Variants in LSM6 observed in about 807,000 individuals in gnomAD.
The protein encoded by LSM6 is U6 snRNA-associated Sm-like protein LSm6.
In LSM6, 2 loss-of-function variants were observed where a neutral mutation model predicts 13.5. The ratio of observed to expected loss-of-function variants is 0.15; its 90% confidence interval spans 0.06 to 0.47. LSM6 has a LOEUF of 0.47. Ranked by LOEUF, LSM6 falls within the 20% of genes least tolerant of loss-of-function variation. The probability of loss-of-function intolerance (pLI) is 0.97; values close to 1 mark genes in which losing one functional copy is unlikely to be tolerated. For missense variants in LSM6, 58 were observed against 96.4 expected (o/e 0.60, Z 1.67); for synonymous variants, 43 against 34.9 (o/e 1.23, Z -0.82).
In LSM6 at chr4:146,191,476, A is replaced by G. The variant is rs1226481955; in HGVS notation, c.*1820A>G. On this transcript the variant is annotated 3_prime_UTR_variant, in exon 4 of 4. Transcript: ENST00000296581. ...AACCATGGAACTACTTTTAATCAAG[A>G]TCAACTTTGGGAAGTGCTGCCATTT... 1 of 152,216 alleles carries G rather than the reference A, an allele frequency of 6.6e-6. No homozygotes were observed. Among genetic ancestry groups the G allele is most frequent in the African/African-American group, 2.4e-5 (1 of 41,452 alleles). The allele number at this position is 152,216 out of a possible 1,614,324, so 9.4% of individuals were successfully genotyped here. A position where few individuals can be genotyped will look rare whatever the true frequency, so the allele number is the denominator to read the frequency against.
intron 2 of LSM6, among the ~76,000 whole-genome samples, chr4:146,186,613 T>C (rs1730355071): frequency 6.6e-6 from 1 of 152,192 alleles, no homozygotes; most frequent in African/African-American, 2.4e-5. Context: ...TCTCTATTAG[T>C]TTTGATTGGA....
chr4:146,177,761 A>G (rs1730143024), intron 1 of LSM6, among the ~76,000 whole-genome samples: 2 of 152,160 alleles, frequency 1.3e-5, no homozygotes, highest in Admixed American at 6.5e-5. Context: ...GTTTAGCAAC[A>G]TCCCTGGTCT....
chr4:146,181,727 T>C (rs1560711361), intron 1 of LSM6, among the ~76,000 whole-genome samples: 1 of 152,244 alleles, frequency 6.6e-6, no homozygotes, highest in Non-Finnish European at 1.5e-5. Flanking sequence ...GTCTCAGTGC[T>C]ATATAGCTGC....
chr4:146,182,065 C>G (rs762865153), intron 1 of LSM6, among the ~76,000 whole-genome samples: 9 of 152,162 alleles, frequency 5.9e-5, no homozygotes, highest in Non-Finnish European at 1.3e-4. Flanking sequence ...TATTGACTTT[C>G]AGAAAGCTGT....
intron 3 of LSM6, among the ~76,000 whole-genome samples, chr4:146,188,303 C>T (rs1056212356): frequency 1.3e-5 from 2 of 151,960 alleles, no homozygotes; most frequent in Admixed American, 1.3e-4. Context: ...ATGATCTTGT[C>T]TCACCTCAAG....
intron 1 of LSM6, chr4:146,176,556 C>T (rs1730114078): frequency 6.6e-6 from 1 of 152,140 alleles, no homozygotes; most frequent in South Asian, 2.1e-4. Flanking sequence ...TCACTGAACC[C>T]TTTCACCTAC....
chr4:146,175,848 G>C (rs556640583), intron 1 of LSM6, 37 bp downstream of exon 1: 2 of 152,372 alleles, frequency 1.3e-5, no homozygotes, highest in Non-Finnish European at 2.9e-5. Context: ...CGACGGGGCC[G>C]GGCGCAGCCC....
chr4:146,180,956 A>G (rs1199766958), intron 1 of LSM6: 1 of 152,196 alleles, frequency 6.6e-6, no homozygotes, highest in African/African-American at 2.4e-5. Context: ...CTGTTACAGT[A>G]TTTATTTTGT....
intron 1 of LSM6, among the ~76,000 whole-genome samples, chr4:146,181,537 T>A (rs1487877544): frequency 6.6e-6 from 1 of 152,188 alleles, no homozygotes; most frequent in African/African-American, 2.4e-5. Context: ...CAAATAATCC[T>A]TCTCCACACA....
intron 3 of LSM6, among the ~76,000 whole-genome samples, 155 bp from the exon 4 acceptor site, chr4:146,189,467 T>A (rs1730421074): frequency 6.6e-6 from 1 of 151,914 alleles, no homozygotes; most frequent in African/African-American, 2.4e-5. Context: ...ATAAAACTAG[T>A]CTTACAGTAC....
At chr4:146,180,592 T>G (rs1253958643) in intron 1 of LSM6, among the ~76,000 whole-genome samples, 1 of 152,258 alleles carries the variant, frequency 6.6e-6, no homozygotes, top group Non-Finnish European at 1.5e-5. Flanking sequence ...GCTTTTCAAA[T>G]GTTTTTAATC....
At chr4:146,177,634 T>C (rs1268663963) in intron 1 of LSM6, among the ~76,000 whole-genome samples, 2 of 145,506 alleles carry the variant, frequency 1.4e-5, no homozygotes, top group Non-Finnish European at 3.1e-5. Flanking sequence ...TTTTTTATTT[T>C]TATTTATTTT....
At chr4:146,176,319 C>G (rs1163157673) in intron 1 of LSM6, 1 of 152,288 alleles carries the variant, frequency 6.6e-6, no homozygotes, top group Non-Finnish European at 1.5e-5. Flanking sequence ...AAAGGCTGGA[C>G]TCGCCTGTCT....
intron 3 of LSM6, 87 bp downstream of exon 3, chr4:146,187,474 T>G (rs1189952884): frequency 2.6e-6 from 2 of 770,398 alleles, no homozygotes; most frequent in Non-Finnish European, 4.2e-6. Flanking sequence ...CTAGATAATT[T>G]AAAAGTCCAC....
rs1160354147 is a variant in LSM6 at position 146,190,046 on chromosome 4, ATCC to A, written c.*395_*397del. ...CATATAATTAAAACATTTTGGAGGA[ATCC>A]TCCTTTATTGCATCCTTTTCTGTTC... On this transcript the variant is annotated 3_prime_UTR_variant, in exon 4 of 4. Transcript: ENST00000296581. 10 of 163,904 alleles carry A rather than the reference ATCC, an allele frequency of 6.1e-5. No individual in the cohort carries two copies. The highest frequency in any genetic ancestry group is 2.2e-4 in the African/African-American group (9 of 41,640). 10.2% of individuals were successfully genotyped at this position (163,904 alleles called of 1,614,324 possible).
chr4:146,187,148 T>G, intron 2 of LSM6, 126 bp from the exon 3 acceptor site: 1 of 590,926 alleles, frequency 1.7e-6, no homozygotes. Flanking sequence ...TCATTTATGG[T>G]GTGAATTTTT....
chr4:146,186,817 A>G lies in LSM6; in HGVS notation c.95-457A>G, dbSNP rs192936993. ...CCCTGGAGTACATTCATCTGCTGCA[A>G]TAGATGTTGTAAAAGAATGAAATAA... On this transcript the variant is annotated intron_variant, in intron 2 of 3. Transcript: ENST00000296581. Among the ~76,000 whole-genome samples the G allele has an allele frequency of 4.5e-3, 679 of 152,302 alleles. 1 individual carries two copies. The highest frequency in any genetic ancestry group is 0.015 in the African/African-American group (636 of 41,562).
chr4:146,189,677 T>G lies in LSM6; in HGVS notation c.*21T>G. On this transcript the variant is annotated 3_prime_UTR_variant, in exon 4 of 4. Coordinates refer to ENST00000296581, the MANE Select transcript of LSM6 (RefSeq NM_007080.3). ...TGTGAAGACACCAAGAGAGCAACGC[T>G]TTTCATAGTTGGATATATTTTTTTA... 6.3e-7 allele frequency: 1 copy of G among 1,579,698 alleles called. No homozygotes were observed. The highest frequency in any genetic ancestry group is 2.3e-5 in the East Asian group (1 of 44,436).
At chr4:146,178,427 C>T (rs1461366799) in intron 1 of LSM6, among the ~76,000 whole-genome samples, 1 of 152,156 alleles carries the variant, frequency 6.6e-6, no homozygotes, top group African/African-American at 2.4e-5. Flanking sequence ...TGGTATGAAG[C>T]CTTCAAAAGA....
Sources: gnomAD v4.1 joint callset for allele counts (sites outside exome capture counted in the v4.1 genomes callset) on GRCh38, gnomAD v4.1.1 for gene constraint, MANE v1.5 for transcripts, NCBI Gene and HGNC (gene_info 2026-07-23, HGNC 2026-07-21) for gene names.